RHBDL3: variants seen among roughly 807,000 people sequenced by gnomAD.
RHBDL3 encodes rhomboid-related protein 3.
Under a neutral mutation model 48.2 loss-of-function variants are expected in RHBDL3, and 28 were observed. The ratio of observed to expected loss-of-function variants is 0.58; its 90% CI spans 0.43 to 0.80. RHBDL3 has a LOEUF of 0.80. Ranked by LOEUF, RHBDL3 falls within the 30% of genes least tolerant of loss-of-function variation. The pLI, the probability that RHBDL3 is intolerant of heterozygous loss-of-function variation, is 0.00. For synonymous variants in RHBDL3, 208 were observed against 232.3 expected, an observed-to-expected ratio of 0.90 and a Z score of 0.95; for missense variants, 464 against 542.7, an observed-to-expected ratio of 0.85 and a Z score of 1.44.
At position 32,314,240 on chromosome 17, in the gene RHBDL3, G is replaced by A. The variant is rs185997795; in HGVS notation, c.883-1992G>A. ...GGCCGGTCAGTGAGGAAGAGTCAGG[G>A]AAGGGAGGAGGTGGGCAAGAAACCA... is the stretch of plus-strand genomic sequence containing the variant. On this transcript the variant is annotated intron_variant, in intron 7 of 8. Coordinates refer to ENST00000269051, the MANE Select transcript of RHBDL3 (RefSeq NM_138328.3). 8.2e-4 allele frequency among the ~76,000 whole-genome samples: 125 copies of A among 152,326 alleles called. 1 individual carries two copies. Among genetic ancestry groups the A allele is most frequent in the Non-Finnish European group, 9.4e-4 (64 of 68,032 alleles).
chr17:32,284,916 C>A, intron 3 of RHBDL3, 99 bp downstream of exon 3: 1 of 1,100,468 alleles, frequency 9.1e-7, no homozygotes, highest in Non-Finnish European at 1.3e-6. Flanking sequence ...ATCTGTTGGC[C>A]TGCAGCATTG....
chr17:32,285,556 GTTA>G (rs2040179074), intron 3 of RHBDL3, among the ~76,000 whole-genome samples: 1 of 152,206 alleles, frequency 6.6e-6, no homozygotes, highest in East Asian at 1.9e-4. Flanking sequence ...CTCACTGAGG[GTTA>G]GTGCTGCGCT....
chr17:32,298,206 T>C lies in RHBDL3; in HGVS notation c.781+2T>C. On this transcript the variant is annotated splice_donor_variant, in intron 6 of 8. Transcript: ENST00000269051. LOFTEE classifies it high-confidence loss of function. ...TCTACGTGGCCGGTGTTGTGGCAGG[T>C]AGGCAGGTAGGCCCCGTGTCCACAA... 6.2e-7 allele frequency: 1 copy of C among 1,600,162 alleles called. No homozygotes were observed. Among genetic ancestry groups the C allele is most frequent in the Non-Finnish European group, 8.6e-7 (1 of 1,167,766 alleles).
At chr17:32,287,171 C>G (rs1005086869) in intron 3 of RHBDL3, among the ~76,000 whole-genome samples, 20 of 152,266 alleles carry the variant, frequency 1.3e-4, no homozygotes, top group African/African-American at 4.3e-4. Flanking sequence ...TGGACTGTGC[C>G]CAGCACAGCA....
At chr17:32,292,541 A>G (rs914739763) in intron 4 of RHBDL3, among the ~76,000 whole-genome samples, 1 of 152,170 alleles carries the variant, frequency 6.6e-6, no homozygotes, top group Non-Finnish European at 1.5e-5. Flanking sequence ...TGGAGGGCTC[A>G]CGCTGGTAAT....
In RHBDL3 at chr17:32,300,588, TTAA is replaced by T. The variant is rs2040559246; in HGVS notation, c.781+2387_781+2389del. 2.0e-5 allele frequency among the ~76,000 whole-genome samples: 3 copies of T among 152,132 alleles called. 1 individual carries two copies. In the South Asian group the frequency reaches 6.2e-4, roughly 32 times the overall value. On this transcript the variant is annotated intron_variant, in intron 6 of 8. Coordinates refer to ENST00000269051, the MANE Select transcript of RHBDL3 (RefSeq NM_138328.3). Reference sequence around the variant, plus strand: ...AAAAAGAAAAAAACCAAAGGAGACCTTAATAGATGTCTGGCAGCCTTACTCTCT... The same window carrying T: ...AAAAAGAAAAAAACCAAAGGAGACCTTAGATGTCTGGCAGCCTTACTCTCT...
Position 32,304,522 on chromosome 17 carries a change from T to C in RHBDL3, c.782-819T>C, listed in dbSNP as rs1441372761. On this transcript the variant is annotated intron_variant, in intron 6 of 8. Coordinates refer to ENST00000269051, the MANE Select transcript of RHBDL3 (RefSeq NM_138328.3). ...CCAGGAGACTCTGGGCTTAGTCTCC[T>C]CATCTCAGGAATGAGGCTACTGGCG... Among the ~76,000 whole-genome samples the C allele has an allele frequency of 2.6e-5, 4 of 152,212 alleles. No homozygotes were observed. The East Asian group carries it at 7.7e-4, about 29-fold the overall frequency.
intron 6 of RHBDL3, among the ~76,000 whole-genome samples, chr17:32,304,680 C>G (rs1567783419): frequency 1.3e-5 from 2 of 152,140 alleles, no homozygotes; most frequent in Non-Finnish European, 2.9e-5. Context: ...GTTCCAGAAC[C>G]CTGACATAGC....
At chr17:32,314,718 C>G (rs542962438) in intron 7 of RHBDL3, among the ~76,000 whole-genome samples, 415 of 152,308 alleles carry the variant, frequency 2.7e-3, no homozygotes, top group Non-Finnish European at 4.3e-3. Context: ...TTCCTCCCAT[C>G]CTAGGGTTTC....
chr17:32,266,638 C>T (rs1409056640), intron 1 of RHBDL3, among the ~76,000 whole-genome samples: 5 of 152,192 alleles, frequency 3.3e-5, no homozygotes. Context: ...GGCGGTGACT[C>T]CCCCTCCCCT....
chr17:32,305,890 C>G (rs1174853026), intron 7 of RHBDL3, among the ~76,000 whole-genome samples: 2 of 149,606 alleles, frequency 1.3e-5, no homozygotes, highest in African/African-American at 4.9e-5. Flanking sequence ...TGCACTCCAG[C>G]CTGGGGGAGA....
intron 6 of RHBDL3, among the ~76,000 whole-genome samples, chr17:32,299,871 C>T (rs1435686667): frequency 6.6e-6 from 1 of 152,220 alleles, no homozygotes; most frequent in Admixed American, 6.5e-5. Flanking sequence ...GGTCACCACA[C>T]ATGTCATTGA....
intron 1 of RHBDL3, 55 bp from the exon 2 acceptor site, chr17:32,267,847 G>A (rs1360243753): frequency 6.2e-7 from 1 of 1,613,476 alleles, no homozygotes; most frequent in Non-Finnish European, 8.5e-7. Flanking sequence ...GGTGATAAGT[G>A]TGTCTTTCTT....
intron 2 of RHBDL3, among the ~76,000 whole-genome samples, chr17:32,276,103 T>C (rs2039890774): frequency 2.0e-5 from 3 of 152,060 alleles, no homozygotes; most frequent in South Asian, 2.1e-4. Context: ...CCAGACTTAC[T>C]CTAGGGTTGG....
rs1365204755 is a variant in RHBDL3, at chr17:32,323,422, C to A, written c.*2193C>A. On this transcript the variant is annotated 3_prime_UTR_variant, in exon 9 of 9. Coordinates refer to ENST00000269051, the MANE Select transcript of RHBDL3 (RefSeq NM_138328.3). ...CAGGACATTGCTGCCTCTGCCTGGG[C>A]TGCAGCCGCACTAAGCTGAGCGATG... The A allele has an allele frequency of 6.6e-6, 1 of 152,394 alleles. No homozygotes were observed. The highest frequency in any genetic ancestry group is 2.4e-5 in the African/African-American group (1 of 41,438). The allele number at this position is 152,394 out of a possible 1,614,324, so 9.4% of individuals were successfully genotyped here. A position where few individuals can be genotyped will look rare whatever the true frequency, so the allele number is the denominator to read the frequency against.
In RHBDL3 at chr17:32,271,544, C is replaced by A. The variant is rs1039400584; in HGVS notation, c.135+3619C>A. Reference sequence around the variant, plus strand: ...AAATATTTAGTCAAAGGCCAAATAGCGGGGCAGTGACAGATATGGGACCAG... The same window carrying A: ...AAATATTTAGTCAAAGGCCAAATAGAGGGGCAGTGACAGATATGGGACCAG... On this transcript the variant is annotated intron_variant, in intron 2 of 8. Coordinates refer to ENST00000269051, the MANE Select transcript of RHBDL3 (RefSeq NM_138328.3). Among the ~76,000 whole-genome samples, 4 of 152,100 alleles carry A rather than the reference C, an allele frequency of 2.6e-5. No individual in the cohort carries two copies. The East Asian group carries it at 5.8e-4, about 22-fold the overall frequency.
chr17:32,289,216 T>C (rs1449645401), intron 4 of RHBDL3, among the ~76,000 whole-genome samples, 200 bp downstream of exon 4: 3 of 152,198 alleles, frequency 2.0e-5, no homozygotes, highest in Non-Finnish European at 4.4e-5. Flanking sequence ...AACCGTGGAC[T>C]GCAAAGAGAT....
chr17:32,294,543 A>G, intron 5 of RHBDL3, 101 bp downstream of exon 5: 1 of 1,192,968 alleles, frequency 8.4e-7, no homozygotes, highest in Non-Finnish European at 1.1e-6. Context: ...ATTTTTATCT[A>G]TTTGGACATA....
At chr17:32,307,561 T>G (rs770420241) in intron 7 of RHBDL3, among the ~76,000 whole-genome samples, 57 of 152,010 alleles carry the variant, frequency 3.7e-4, no homozygotes, top group Admixed American at 2.0e-4. Context: ...GGGGGAGAGA[T>G]AGACAGACAC....
Sources: gnomAD v4.1 joint callset for allele counts (sites outside exome capture counted in the v4.1 genomes callset) on GRCh38, gnomAD v4.1.1 for gene constraint, MANE v1.5 for transcripts, NCBI Gene and HGNC (gene_info 2026-07-23, HGNC 2026-07-21) for gene names.